ZMAT4: variants seen among roughly 807,000 people sequenced by gnomAD.
ZMAT4 encodes the protein zinc finger matrin-type 4, also known as zinc finger matrin-type protein 4.
A neutral mutation model predicts 28.7 loss-of-function variants in ZMAT4; 17 were observed. That is an observed-to-expected ratio of 0.59 (90% CI 0.41 to 0.89). The LOEUF (loss-of-function observed/expected upper bound fraction) is 0.89, where lower values mean the gene tolerates loss of function less well. ZMAT4 is among the 40% of genes least tolerant of loss of function. The pLI is 0.00. For missense variants in ZMAT4, 240 were observed against 283.8 expected (o/e 0.85, Z 1.11); for synonymous variants, 117 against 109.2 (o/e 1.07, Z -0.44).
intron 1 of ZMAT4, among the ~76,000 whole-genome samples, chr8:40,849,649 C>T (rs1817031084): frequency 6.6e-6 from 1 of 152,164 alleles, no homozygotes; most frequent in Admixed American, 6.5e-5. Flanking sequence ...GATGGCATCA[C>T]TCACTCTGTT....
chr8:40,648,268 G>A (rs145744434), intron 5 of ZMAT4, among the ~76,000 whole-genome samples: 18,972 of 151,832 alleles, frequency 0.12, 1,469 homozygotes, highest in African/African-American at 0.22. Flanking sequence ...CAAGAGCTAC[G>A]TGAAGAATGC....
chr8:40,856,709 C>A (rs191664373), intron 1 of ZMAT4, among the ~76,000 whole-genome samples: 180 of 152,254 alleles, frequency 1.2e-3, no homozygotes, highest in Middle Eastern at 0.01. Flanking sequence ...GGGTGGGCAT[C>A]CCCTTTCCAG....
intron 3 of ZMAT4, among the ~76,000 whole-genome samples, chr8:40,723,446 G>A (rs1370372140): frequency 6.7e-6 from 1 of 149,146 alleles, no homozygotes; most frequent in Non-Finnish European, 1.5e-5. Flanking sequence ...GGGAAGCTGA[G>A]GCAGGAGAAT....
chr8:40,720,932 T>A (rs1811059213), intron 3 of ZMAT4, among the ~76,000 whole-genome samples: 1 of 151,758 alleles, frequency 6.6e-6, no homozygotes, highest in Non-Finnish European at 1.5e-5. Context: ...GTCAATGTCA[T>A]GAGAAAGCTA....
chr8:40,834,168 C>A (rs911302852), intron 1 of ZMAT4, among the ~76,000 whole-genome samples: 4 of 152,230 alleles, frequency 2.6e-5, no homozygotes, highest in Non-Finnish European at 4.4e-5. Flanking sequence ...GCCGTGGAAC[C>A]AGAGCTGTCA....
At chr8:40,581,760 A>G (rs1228397772) in intron 5 of ZMAT4, among the ~76,000 whole-genome samples, 1 of 152,182 alleles carries the variant, frequency 6.6e-6, no homozygotes, top group East Asian at 1.9e-4. Flanking sequence ...TAATACATCA[A>G]TCTGGTTCAT....
At chr8:40,836,558 C>T (rs567459156) in intron 1 of ZMAT4, among the ~76,000 whole-genome samples, 6 of 152,240 alleles carry the variant, frequency 3.9e-5, no homozygotes, top group African/African-American at 1.4e-4. Flanking sequence ...CAGCAACAAA[C>T]CAGAATACAG....
At chr8:40,729,991 T>C (rs1056077111) in intron 3 of ZMAT4, among the ~76,000 whole-genome samples, 3 of 152,234 alleles carry the variant, frequency 2.0e-5, no homozygotes, top group African/African-American at 7.2e-5. Flanking sequence ...GTAACCATAA[T>C]TATGTTTAAA....
chr8:40,534,981 C>G (rs949468330), intron 6 of ZMAT4, among the ~76,000 whole-genome samples: 2 of 152,090 alleles, frequency 1.3e-5, no homozygotes, highest in African/African-American at 2.4e-5. Flanking sequence ...CTGCGTCCGG[C>G]CCACATTTGC....
intron 6 of ZMAT4, among the ~76,000 whole-genome samples, chr8:40,551,609 G>A (rs1040899196): frequency 1.3e-4 from 20 of 152,050 alleles, no homozygotes; most frequent in South Asian, 6.2e-4. Context: ...GAATTTGCAG[G>A]ACAAACTCCA....
chr8:40,835,117 T>C lies in ZMAT4; in HGVS notation c.-4-9437A>G, dbSNP rs181046059. ...AAGCATCTGCTTTCTCTTTCTGCAC[T>C]TTCAGAGGGATGAAAGTGAGTGACA... On this transcript the variant is annotated intron_variant, in intron 1 of 6. Transcript: ENST00000297737. Among the ~76,000 whole-genome samples, 384 of 152,316 alleles carry C rather than the reference T, an allele frequency of 2.5e-3. 7 individuals are homozygous for C. The highest frequency in any genetic ancestry group is 0.021 in the South Asian group (99 of 4,826).
At chr8:40,534,847 T>C (rs1363898360) in intron 6 of ZMAT4, among the ~76,000 whole-genome samples, 1 of 152,016 alleles carries the variant, frequency 6.6e-6, no homozygotes, top group East Asian at 1.9e-4. Context: ...CACACCTGGC[T>C]AATTTTTGTA....
At chr8:40,734,734 A>C (rs921599380) in intron 3 of ZMAT4, among the ~76,000 whole-genome samples, 4 of 152,300 alleles carry the variant, frequency 2.6e-5, no homozygotes, top group Middle Eastern at 3.4e-3. Flanking sequence ...CTATTCCAGA[A>C]CACCACCATC....
At chr8:40,678,774 AC>A (rs1809017413) in intron 4 of ZMAT4, among the ~76,000 whole-genome samples, 1 of 152,076 alleles carries the variant, frequency 6.6e-6, no homozygotes, top group Admixed American at 6.6e-5. Flanking sequence ...AAATGCAAAA[AC>A]CCCCGAAACT....
At chr8:40,537,240 T>C (rs1802876452) in intron 6 of ZMAT4, among the ~76,000 whole-genome samples, 1 of 152,164 alleles carries the variant, frequency 6.6e-6, no homozygotes, top group Non-Finnish European at 1.5e-5. Context: ...CCTAAGCCCA[T>C]TCAGGACGAC....
chr8:40,828,757 C>T (rs1377918958), intron 1 of ZMAT4, among the ~76,000 whole-genome samples: 2 of 152,084 alleles, frequency 1.3e-5, no homozygotes, highest in East Asian at 3.9e-4. Context: ...CTGTTTTGTA[C>T]ATGAGGGCTT....
chr8:40,559,670 TC>T, intron 6 of ZMAT4, among the ~76,000 whole-genome samples: 1 of 152,074 alleles, frequency 6.6e-6, no homozygotes, highest in Non-Finnish European at 1.5e-5. Flanking sequence ...ATATAATTTT[TC>T]AGTTGACTCA....
chr8:40,647,701 G>T (rs1246007430), intron 5 of ZMAT4, among the ~76,000 whole-genome samples: 3 of 152,136 alleles, frequency 2.0e-5, no homozygotes, highest in African/African-American at 4.8e-5. Flanking sequence ...AGAGAGCAGT[G>T]GTTCTCCCAG....
intron 3 of ZMAT4, among the ~76,000 whole-genome samples, chr8:40,753,090 C>A (rs1812527231): frequency 7.1e-6 from 1 of 141,186 alleles, no homozygotes; most frequent in Admixed American, 7.5e-5. Flanking sequence ...TGTGACTTTC[C>A]CCTCCCTGTG....
Sources: gnomAD v4.1 joint callset for allele counts (sites outside exome capture counted in the v4.1 genomes callset) on GRCh38, gnomAD v4.1.1 for gene constraint, MANE v1.5 for transcripts, NCBI Gene and HGNC (gene_info 2026-07-23, HGNC 2026-07-21) for gene names.